ENTPD3: variants seen among roughly 807,000 people sequenced by gnomAD.
The protein encoded by ENTPD3 is ectonucleoside triphosphate diphosphohydrolase 3.
A neutral mutation model predicts 51.2 loss-of-function variants in ENTPD3; 60 were observed. The observed-to-expected ratio is 1.17, with a 90% CI of 0.95 to 1.45. The LOEUF (loss-of-function observed/expected upper bound fraction) is 1.45, where lower values mean the gene tolerates loss of function less well. Ranked by LOEUF, ENTPD3 falls within the 40% of genes most tolerant of loss-of-function variation. The pLI, the probability that ENTPD3 is intolerant of heterozygous loss-of-function variation, is 0.00. For synonymous variants in ENTPD3, 221 were observed against 238.4 expected, an observed-to-expected ratio of 0.93 and a Z score of 0.67; for missense variants, 593 against 641.1, an observed-to-expected ratio of 0.93 and a Z score of 0.81.
At chr3:40,396,502 A>T (rs2125590583) in intron 3 of ENTPD3, among the ~76,000 whole-genome samples, 1 of 152,304 alleles carries the variant, frequency 6.6e-6, no homozygotes, top group Middle Eastern at 3.4e-3. Context: ...GCAAGGTCGT[A>T]TCTGGCTATT....
intron 1 of ENTPD3, 191 bp from the exon 2 acceptor site, chr3:40,387,855 G>T: frequency 1.8e-6 from 1 of 559,294 alleles, no homozygotes; most frequent in South Asian, 2.3e-5. Flanking sequence ...TTTCATTTGG[G>T]GAGATGACAT....
At chr3:40,401,659 T>C (rs1955360462) in intron 4 of ENTPD3, among the ~76,000 whole-genome samples, 1 of 152,230 alleles carries the variant, frequency 6.6e-6, no homozygotes, top group South Asian at 2.1e-4. Flanking sequence ...TCTGTTCCAG[T>C]AAAGCTTTAT....
intron 7 of ENTPD3, among the ~76,000 whole-genome samples, chr3:40,422,101 G>A (rs1009635021): frequency 1.3e-5 from 2 of 151,512 alleles, no homozygotes; most frequent in Admixed American, 6.6e-5. Context: ...ATGTGAGAGA[G>A]AGCCTAGCGC....
At position 40,427,334 on chromosome 3, in the gene ENTPD3, A is replaced by G; in HGVS notation, c.1416A>G (p.Pro472=). ...GYMLSLTNQI[P]AESPLIRLPI... Reference sequence around the variant, plus strand: ...TGCTCAGCCTGACCAACCAGATCCCAGCTGAAAGCCCTCTGATCCGTCTGC... The same window carrying G: ...TGCTCAGCCTGACCAACCAGATCCCGGCTGAAAGCCCTCTGATCCGTCTGC... The change falls in exon 11 of 11, where the codon CCA becomes CCG. Residue 472 remains proline, a synonymous_variant. Transcript: ENST00000301825. The G allele has an allele frequency of 6.2e-7, 1 of 1,614,180 alleles. No homozygotes were observed. Among genetic ancestry groups the G allele is most frequent in the Non-Finnish European group, 8.5e-7 (1 of 1,180,038 alleles).
chr3:40,414,757 AG>A lies in ENTPD3; in HGVS notation c.518del (p.Gly173ValfsTer21). 5 of 1,614,094 alleles carry A rather than the reference AG, an allele frequency of 3.1e-6. No homozygotes were observed. Among genetic ancestry groups the A allele is most frequent in the Non-Finnish European group, 4.2e-6 (5 of 1,179,964 alleles). The stretch of plus-strand genomic sequence containing the variant: ...CTTCAAGTCCCAGCCCTTTGACTTT[AG>A]GGGTGCTCAAATCATTTCTGGGCAA... ...SYFKSQPFDF[R>X]GAQIISGQEE... On this transcript the variant is annotated frameshift_variant, in exon 6 of 11. Coordinates refer to ENST00000301825, the MANE Select transcript of ENTPD3 (RefSeq NM_001248.4). LOFTEE classifies it high-confidence loss of function.
At chr3:40,420,172 A>T (rs934028576) in intron 7 of ENTPD3, among the ~76,000 whole-genome samples, 36 of 152,118 alleles carry the variant, frequency 2.4e-4, no homozygotes, top group Admixed American at 1.3e-4. Context: ...AAAAGTACAA[A>T]TCAGATTTGG....
At chr3:40,408,413 T>C (rs1242556758) in intron 4 of ENTPD3, among the ~76,000 whole-genome samples, 1 of 152,222 alleles carries the variant, frequency 6.6e-6, no homozygotes, top group Non-Finnish European at 1.5e-5. Flanking sequence ...AAAGAAAGCA[T>C]ATAAATGAAA....
At chr3:40,424,118 G>C in intron 10 of ENTPD3, 155 bp downstream of exon 10, 1 of 985,368 alleles carries the variant, frequency 1.0e-6, no homozygotes, top group African/African-American at 1.7e-5. Flanking sequence ...CCCAGAAGAG[G>C]TCATGGAGAA....
chr3:40,424,216 A>G, intron 10 of ENTPD3: 1 of 965,150 alleles, frequency 1.0e-6, no homozygotes, highest in Non-Finnish European at 1.2e-6. Context: ...GAGGGCAGAG[A>G]CCTGTCTTGG....
chr3:40,387,877 T>C, intron 1 of ENTPD3, 169 bp from the exon 2 acceptor site: 1 of 574,174 alleles, frequency 1.7e-6, no homozygotes, highest in East Asian at 2.8e-5. Flanking sequence ...AAATTTAAGC[T>C]CCAGCTTTGG....
Position 40,423,008 on chromosome 3 carries a change from C to A in ENTPD3, c.990C>A (p.Asp330Glu), listed in dbSNP as rs780310332. 1.2e-6 allele frequency: 2 copies of A among 1,614,078 alleles called. No homozygotes were observed. Among genetic ancestry groups the A allele is most frequent in the Admixed American group, 1.7e-5 (1 of 59,996 alleles). The change falls in exon 8 of 11, where the codon GAC becomes GAA. Residue 330 changes from aspartate (D) to glutamate (E), a missense_variant. Physicochemically the swap from Asp to Glu is conservative, Grantham distance 45. Coordinates refer to ENST00000301825, the MANE Select transcript of ENTPD3 (RefSeq NM_001248.4). ...NDVITFEGTG[D>E]PSLCKEKVAS... is the part of the protein sequence containing the mutation. Reference sequence around the variant, plus strand: ...TCATCACTTTTGAAGGAACTGGGGACCCATCTCTGTGTAAGGAGAAGGTGG... The same window carrying A: ...TCATCACTTTTGAAGGAACTGGGGAACCATCTCTGTGTAAGGAGAAGGTGG...
At chr3:40,426,907 A>C (rs139046143) in intron 10 of ENTPD3, among the ~76,000 whole-genome samples, 2 of 152,304 alleles carry the variant, frequency 1.3e-5, no homozygotes, top group Admixed American at 6.5e-5. Flanking sequence ...CTGATTTTCT[A>C]TTCTTAGGAA....
chr3:40,418,864 T>A (rs532243748), intron 7 of ENTPD3, among the ~76,000 whole-genome samples: 16 of 152,256 alleles, frequency 1.1e-4, no homozygotes, highest in African/African-American at 3.6e-4. Flanking sequence ...TAAAATACGA[T>A]TTTTTATGAG....
intron 7 of ENTPD3, among the ~76,000 whole-genome samples, chr3:40,422,186 C>G (rs1281469963): frequency 6.6e-6 from 1 of 151,680 alleles, no homozygotes; most frequent in Non-Finnish European, 1.5e-5. Flanking sequence ...CTTGAATTAT[C>G]TAGACAACCT....
At chr3:40,420,122 A>G (rs115706259) in intron 7 of ENTPD3, among the ~76,000 whole-genome samples, 2,523 of 152,334 alleles carry the variant, frequency 0.017, 55 homozygotes, top group African/African-American at 0.048. Flanking sequence ...TAATCATTTT[A>G]AAAGTATAAA....
At chr3:40,412,771 T>C (rs1416360510) in intron 5 of ENTPD3, among the ~76,000 whole-genome samples, 1 of 152,180 alleles carries the variant, frequency 6.6e-6, no homozygotes, top group Non-Finnish European at 1.5e-5. Flanking sequence ...TTTAACATGA[T>C]AATGAAAAGA....
intron 7 of ENTPD3, among the ~76,000 whole-genome samples, chr3:40,421,336 T>C (rs1955867520): frequency 6.6e-6 from 1 of 152,138 alleles, no homozygotes; most frequent in African/African-American, 2.4e-5. Flanking sequence ...AAGAAAAGAT[T>C]TTACTGTAGG....
At chr3:40,393,964 C>T (rs1955127903) in intron 3 of ENTPD3, among the ~76,000 whole-genome samples, 1 of 130,378 alleles carries the variant, frequency 7.7e-6, no homozygotes. Flanking sequence ...AGGAGAATGG[C>T]GTGAACCCGG....
rs776201396 is a variant in ENTPD3, at chr3:40,423,415, G to T, written c.1215+14G>T. ...AATTGGAGTCAGGTCAGTATTTAAAGAGAAGGGATCAATGTCAGTACAAAA... is the reference window on the plus strand; with the variant it reads ...AATTGGAGTCAGGTCAGTATTTAAATAGAAGGGATCAATGTCAGTACAAAA... On this transcript the variant is annotated intron_variant, in intron 9 of 10. Coordinates refer to ENST00000301825, the MANE Select transcript of ENTPD3 (RefSeq NM_001248.4). The T allele has an allele frequency of 2.6e-6, 4 of 1,541,958 alleles. No individual in the cohort carries two copies. The highest frequency in any genetic ancestry group is 1.7e-5 in the Admixed American group (1 of 59,626).
Sources: gnomAD v4.1 joint callset for allele counts (sites outside exome capture counted in the v4.1 genomes callset) on GRCh38, gnomAD v4.1.1 for gene constraint, MANE v1.5 for transcripts, NCBI Gene and HGNC (gene_info 2026-07-23, HGNC 2026-07-21) for gene names.